SPI1: variants seen among roughly 807,000 people sequenced by gnomAD.
SPI1 encodes transcription factor PU.1.
Under a neutral mutation model 30.7 loss-of-function variants are expected in SPI1, and 3 were observed. The observed-to-expected ratio is 0.10, with a 90% CI of 0.04 to 0.25. The LOEUF is 0.25. Among genes scored for constraint, SPI1 ranks in the 10% least tolerant of loss-of-function variants. The probability of loss-of-function intolerance (pLI) is 1.00; values close to 1 mark genes in which losing one functional copy is unlikely to be tolerated. For missense variants in SPI1, 261 were observed against 371.5 expected, an observed-to-expected ratio of 0.70 and a Z score of 2.45; for synonymous variants, 169 against 157.1, an observed-to-expected ratio of 1.08 and a Z score of -0.56.
At chr11:47,357,692 A>T (rs1337580644) in intron 4 of SPI1, among the ~76,000 whole-genome samples, 1 of 152,168 alleles carries the variant, frequency 6.6e-6, no homozygotes, top group Non-Finnish European at 1.5e-5. Context: ...CAGCCTTCCA[A>T]GTAGCTGGGA....
chr11:47,360,417 G>A (rs945250301), intron 2 of SPI1, among the ~76,000 whole-genome samples: 1 of 152,178 alleles, frequency 6.6e-6, no homozygotes, highest in African/African-American at 2.4e-5. Flanking sequence ...CAGTTGAGTT[G>A]CCTGTAAAAT....
At chr11:47,361,751 C>T (rs537772019) in intron 2 of SPI1, among the ~76,000 whole-genome samples, 2 of 152,308 alleles carry the variant, frequency 1.3e-5, no homozygotes, top group South Asian at 2.1e-4. Flanking sequence ...CTCACACAAA[C>T]ACCTAATCAC....
chr11:47,368,360 G>A (rs1485816885), intron 2 of SPI1, among the ~76,000 whole-genome samples: 2 of 151,980 alleles, frequency 1.3e-5, no homozygotes, highest in South Asian at 2.1e-4. Flanking sequence ...GTGAGACTCC[G>A]TCTCAAAAAA....
intron 2 of SPI1, 60 bp from the exon 3 acceptor site, chr11:47,360,100 T>C: frequency 7.3e-7 from 1 of 1,372,994 alleles, no homozygotes; most frequent in Non-Finnish European, 9.7e-7. Context: ...CAGGAAAAGG[T>C]TATAGTAACA....
rs191096558 is a variant in SPI1, at chr11:47,368,781, T to C, written c.142+6852A>G. ...GGCTGGGGGGAGGGAAAATGAGCTG[T>C]TGTTCAGTGAATACAGAGTCTCCGT... On this transcript the variant is annotated intron_variant, in intron 2 of 4. Transcript: ENST00000378538. 1.4e-4 allele frequency among the ~76,000 whole-genome samples: 22 copies of C among 152,308 alleles called. No individual in the cohort carries two copies. In the East Asian group the frequency reaches 4.2e-3, roughly 29 times the overall value.
Position 47,378,437 on chromosome 11 carries a change from G to C in SPI1, c.-84C>G. ...CTCAGGATGGGGTGCCCCGTCAGGG[G>C]CTGGACGGTCGTGGGGCGGGTGCAG... On this transcript the variant is annotated 5_prime_UTR_variant, in exon 1 of 5. Coordinates refer to ENST00000378538, the MANE Select transcript of SPI1 (RefSeq NM_003120.3). 6.7e-7 allele frequency: 1 copy of C among 1,492,120 alleles called. No individual in the cohort carries two copies. 92.4% of individuals were successfully genotyped at this position (1,492,120 alleles called of 1,614,324 possible).
chr11:47,357,576 CTT>C (rs35600396), intron 4 of SPI1, among the ~76,000 whole-genome samples: 45,290 of 151,586 alleles, frequency 0.3, 6,922 homozygotes, highest in Middle Eastern at 0.4. Context: ...CACCCATTCT[CTT>C]GTTTTTGAGA....
intron 4 of SPI1, among the ~76,000 whole-genome samples, chr11:47,355,824 C>T (rs1280152895): frequency 6.7e-6 from 1 of 149,750 alleles, no homozygotes; most frequent in African/African-American, 2.5e-5. Flanking sequence ...CAAGTACACA[C>T]ACATGCTCAC....
intron 2 of SPI1, among the ~76,000 whole-genome samples, chr11:47,367,512 C>T (rs145363919): frequency 0.02 from 2,833 of 143,256 alleles, 29 homozygotes; most frequent in Middle Eastern, 0.033. Context: ...CAAGGTCACA[C>T]CACTGCACTC....
chr11:47,378,096 C>A (rs1436143480), intron 1 of SPI1, among the ~76,000 whole-genome samples: 1 of 152,280 alleles, frequency 6.6e-6, no homozygotes. Context: ...GATCACAGCC[C>A]CACCGTGGGC....
At chr11:47,358,449 CATG>C in intron 4 of SPI1, 2 of 638,026 alleles carry the variant, frequency 3.1e-6, no homozygotes, top group South Asian at 3.5e-5. Flanking sequence ...GACACACAAA[CATG>C]GCCACACCCA....
chr11:47,378,410 CCCTCAG>C lies in SPI1; in HGVS notation c.-63_-58del. 1 of 1,575,310 alleles carries C rather than the reference CCCTCAG, an allele frequency of 6.3e-7. No homozygotes were observed. Among genetic ancestry groups the C allele is most frequent in the Non-Finnish European group, 8.6e-7 (1 of 1,157,202 alleles). On this transcript the variant is annotated 5_prime_UTR_variant, in exon 1 of 5. Transcript: ENST00000378538. ...GCCTCGGTGGGGGCCAATGCAGAGC[CCCTCAG>C]GATGGGGTGCCCCGTCAGGGGCTGG...
At chr11:47,356,839 C>T (rs1013468389) in intron 4 of SPI1, among the ~76,000 whole-genome samples, 1 of 151,084 alleles carries the variant, frequency 6.6e-6, no homozygotes, top group Non-Finnish European at 1.5e-5. Context: ...GTTACTCAGC[C>T]CCACACGCAC....
At position 47,356,821 on chromosome 11, in the gene SPI1, CAT is replaced by C. The variant is rs546532333; in HGVS notation, c.494-1277_494-1276del. Among the ~76,000 whole-genome samples the C allele has an allele frequency of 6.0e-3, 908 of 150,978 alleles. 7 individuals are homozygous for C. The highest frequency in any genetic ancestry group is 7.2e-3 in the Non-Finnish European group (488 of 67,632). On this transcript the variant is annotated intron_variant, in intron 4 of 4. Coordinates refer to ENST00000378538, the MANE Select transcript of SPI1 (RefSeq NM_003120.3). ...TTGCACGCACACACCTGCTTACACA[CAT>C]CTCACGTTACTCAGCCCCACACGCA...
At chr11:47,355,947 AAC>A (rs1382520696) in intron 4 of SPI1, among the ~76,000 whole-genome samples, 17 of 131,286 alleles carry the variant, frequency 1.3e-4, no homozygotes, top group South Asian at 7.6e-4. Flanking sequence ...CTCATGCTTA[AAC>A]ACAATGCAAC....
chr11:47,358,685 G>T (rs560251741), intron 4 of SPI1, 159 bp downstream of exon 4: 10 of 771,380 alleles, frequency 1.3e-5, no homozygotes, highest in Non-Finnish European at 2.0e-5. Flanking sequence ...CACAGAGACA[G>T]CCACAGACAG....
At position 47,357,183 on chromosome 11, in the gene SPI1, TCACA is replaced by T. The variant is rs767719729; in HGVS notation, c.494-1641_494-1638del. 1.6e-4 allele frequency among the ~76,000 whole-genome samples: 23 copies of T among 147,142 alleles called. 2 individuals are homozygous for T. The highest frequency in any genetic ancestry group is 7.4e-4 in the Admixed American group (11 of 14,934). ...ACACATGCTCACATCTCACACCCAC[TCACA>T]CACACCTGCCCACACATATCTGCAC... On this transcript the variant is annotated intron_variant, in intron 4 of 4. Coordinates refer to ENST00000378538, the MANE Select transcript of SPI1 (RefSeq NM_003120.3).
rs545790711 is a variant in SPI1 at position 47,378,397 on chromosome 11, G to T, written c.-44C>A. 1 of 1,595,406 alleles carries T rather than the reference G, an allele frequency of 6.3e-7. No individual in the cohort carries two copies. The highest frequency in any genetic ancestry group is 8.5e-7 in the Non-Finnish European group (1 of 1,170,574). On this transcript the variant is annotated 5_prime_UTR_variant, in exon 1 of 5. Coordinates refer to ENST00000378538, the MANE Select transcript of SPI1 (RefSeq NM_003120.3). Reference sequence around the variant, plus strand: ...GGTCAGATCCCCTGCCTCGGTGGGGGCCAATGCAGAGCCCCTCAGGATGGG... The same window carrying T: ...GGTCAGATCCCCTGCCTCGGTGGGGTCCAATGCAGAGCCCCTCAGGATGGG...
intron 2 of SPI1, among the ~76,000 whole-genome samples, chr11:47,370,071 A>G (rs2095933641): frequency 6.6e-6 from 1 of 152,200 alleles, no homozygotes; most frequent in Admixed American, 6.5e-5. Flanking sequence ...CTGGTTTCAG[A>G]AGAGTTCTTA....
Sources: gnomAD v4.1 joint callset for allele counts (sites outside exome capture counted in the v4.1 genomes callset) on GRCh38, gnomAD v4.1.1 for gene constraint, MANE v1.5 for transcripts, NCBI Gene and HGNC (gene_info 2026-07-23, HGNC 2026-07-21) for gene names.